The following SLC1A3 variants were observed in gnomAD, a reference collection of about 807,000 sequenced individuals.
The protein encoded by SLC1A3 is excitatory amino acid transporter 1.
SLC1A3 carries 21 observed loss-of-function variants against 48.1 expected under a neutral mutation model. That is an observed-to-expected ratio of 0.44 (90% CI 0.31 to 0.63). The LOEUF is 0.63. SLC1A3 is among the 20% of genes least tolerant of loss of function. The probability of loss-of-function intolerance (pLI) is 0.08; values close to 1 mark genes in which losing one functional copy is unlikely to be tolerated. For missense variants in SLC1A3, 546 were observed against 689.0 expected (o/e 0.79, Z 2.32); for synonymous variants, 239 against 251.4 (o/e 0.95, Z 0.47).
At position 36,629,440 on chromosome 5, in the gene SLC1A3, T is replaced by A; in HGVS notation, c.182-10T>A. The A allele has an allele frequency of 6.2e-7, 1 of 1,610,714 alleles. No homozygotes were observed. Among genetic ancestry groups the A allele is most frequent in the Non-Finnish European group, 8.5e-7 (1 of 1,178,814 alleles). ...ATTTTTCTTTTTCTTTTTTTTTTTT[T>A]TTCCTTCAGGTACAATCCTTGGATT... On this transcript the variant is annotated splice_polypyrimidine_tract_variant and intron_variant, in intron 2 of 9. Coordinates refer to ENST00000265113, the MANE Select transcript of SLC1A3 (RefSeq NM_004172.5).
chr5:36,601,175 G>A (rs1226658364), intron 1 of SLC1A3, among the ~76,000 whole-genome samples: 1 of 152,150 alleles, frequency 6.6e-6, no homozygotes, highest in Non-Finnish European at 1.5e-5. Flanking sequence ...CTTGATTGCT[G>A]TAATTATGAT....
chr5:36,639,735 T>C (rs1740536570), intron 3 of SLC1A3, among the ~76,000 whole-genome samples: 1 of 152,252 alleles, frequency 6.6e-6, no homozygotes, highest in Admixed American at 6.5e-5. Flanking sequence ...TTATTTAAAG[T>C]CATTTTTATT....
intron 9 of SLC1A3, among the ~76,000 whole-genome samples, chr5:36,684,488 T>C (rs951254435): frequency 6.6e-6 from 1 of 152,200 alleles, no homozygotes; most frequent in Non-Finnish European, 1.5e-5. Context: ...TAAGTGGAAT[T>C]GAGTTTCGGA....
chr5:36,616,622 T>A lies in SLC1A3; in HGVS notation c.181+8018T>A, dbSNP rs1579952309. On this transcript the variant is annotated intron_variant, in intron 2 of 9. Transcript: ENST00000265113. ...GACAGCCGGCTGTTAGCGAGAGACTTCTTATTCAGAACCTTGTATGATGAG... is the reference window on the plus strand; with the variant it reads ...GACAGCCGGCTGTTAGCGAGAGACTACTTATTCAGAACCTTGTATGATGAG... Among the ~76,000 whole-genome samples, 3 of 152,328 alleles carry A rather than the reference T, an allele frequency of 2.0e-5. 1 individual carries two copies. The highest frequency in any genetic ancestry group is 2.0e-4 in the Admixed American group (3 of 15,306).
In SLC1A3 at chr5:36,645,319, C is replaced by CTTTTTTTTTTTTTTTTTT. The variant is rs68027582; in HGVS notation, c.319+15744_319+15761dup. On this transcript the variant is annotated intron_variant, in intron 3 of 9. Coordinates refer to ENST00000265113, the MANE Select transcript of SLC1A3 (RefSeq NM_004172.5). ...ATCTTTGAGGACTGACTTCCGCTGCCTTTTTTTTTTTTTTTTTTTTTTTTT... is the reference window on the plus strand; with the variant it reads ...ATCTTTGAGGACTGACTTCCGCTGCCTTTTTTTTTTTTTTTTTTTTTTTTTTTTTTTTTTTTTTTTTTT... 5.0e-4 allele frequency among the ~76,000 whole-genome samples: 42 copies of CTTTTTTTTTTTTTTTTTT among 84,272 alleles called. 19 individuals are homozygous for CTTTTTTTTTTTTTTTTTT. Among genetic ancestry groups the CTTTTTTTTTTTTTTTTTT allele is most frequent in the African/African-American group, 4.3e-4 (10 of 23,446 alleles). The allele number at this position is 84,272 out of a possible 152,430, so 55.3% of individuals were successfully genotyped here.
rs68027582 is a variant in SLC1A3, at chr5:36,645,319, CTTTTTTTTT to C, written c.319+15753_319+15761del. On this transcript the variant is annotated intron_variant, in intron 3 of 9. Transcript: ENST00000265113. ...ATCTTTGAGGACTGACTTCCGCTGC[CTTTTTTTTT>C]TTTTTTTTTTTTTTTTTTTTGATAG... Among the ~76,000 whole-genome samples the C allele has an allele frequency of 3.6e-5, 3 of 84,300 alleles. 1 individual carries two copies. Among genetic ancestry groups the C allele is most frequent in the East Asian group, 7.3e-4 (2 of 2,734 alleles). 55.3% of individuals were successfully genotyped at this position (84,300 alleles called of 152,430 possible).
At chr5:36,597,623 C>T (rs544656543) in intron 1 of SLC1A3, among the ~76,000 whole-genome samples, 1 of 152,180 alleles carries the variant, frequency 6.6e-6, no homozygotes, top group East Asian at 1.9e-4. Context: ...AGCTTTGTTC[C>T]CACTCCTCAA....
chr5:36,639,388 T>C (rs1341232815), intron 3 of SLC1A3, among the ~76,000 whole-genome samples: 2 of 152,262 alleles, frequency 1.3e-5, no homozygotes, highest in Non-Finnish European at 2.9e-5. Context: ...AAATATACCA[T>C]TGTTTTTATG....
At chr5:36,612,073 A>ACACACACACACG (rs1397392908) in intron 2 of SLC1A3, among the ~76,000 whole-genome samples, 1 of 148,946 alleles carries the variant, frequency 6.7e-6, no homozygotes, top group Non-Finnish European at 1.5e-5. Context: ...GCACGCGCAC[A>ACACACACACACG]CACACACACA....
chr5:36,602,299 C>G (rs1323738010), upstream of SLC1A3, among the ~76,000 whole-genome samples: 1 of 152,208 alleles, frequency 6.6e-6, no homozygotes, highest in Non-Finnish European at 1.5e-5. Context: ...TCAATCCCTA[C>G]TGATCTCCAA....
chr5:36,645,432 T>C (rs1480486600), intron 3 of SLC1A3, among the ~76,000 whole-genome samples: 2 of 146,936 alleles, frequency 1.4e-5, no homozygotes, highest in Admixed American at 1.4e-4. Context: ...GTTCAAGCAA[T>C]TCTCTTCCCC....
chr5:36,685,259 G>A (rs1167168952), intron 9 of SLC1A3, among the ~76,000 whole-genome samples: 2 of 151,676 alleles, frequency 1.3e-5, no homozygotes, highest in Non-Finnish European at 2.9e-5. Context: ...CAACCATTTC[G>A]ACCCCAAAAT....
intron 3 of SLC1A3, chr5:36,669,533 T>C (rs1741899837): frequency 6.6e-6 from 1 of 152,178 alleles, no homozygotes; most frequent in Non-Finnish European, 1.5e-5. Flanking sequence ...AAGTTCCCAC[T>C]CCATTCCACT....
intron 2 of SLC1A3, chr5:36,613,029 G>A (rs1224108469): frequency 2.9e-6 from 1 of 347,400 alleles, no homozygotes; most frequent in Non-Finnish European, 5.7e-6. Context: ...TTAGGTGGCA[G>A]AGTGGCTGAT....
chr5:36,651,129 C>CT (rs1271992305), intron 3 of SLC1A3, among the ~76,000 whole-genome samples: 1 of 95,912 alleles, frequency 1.0e-5, no homozygotes, highest in Non-Finnish European at 1.9e-5. Context: ...AGTAGGGAAA[C>CT]TAAGTTTTTT....
chr5:36,649,135 G>A (rs1481459452), intron 3 of SLC1A3, among the ~76,000 whole-genome samples: 1 of 151,944 alleles, frequency 6.6e-6, no homozygotes, highest in Non-Finnish European at 1.5e-5. Context: ...CCTGAGATTG[G>A]GAGTTCGAGA....
chr5:36,640,784 A>G (rs1472104215), intron 3 of SLC1A3, among the ~76,000 whole-genome samples: 1 of 152,112 alleles, frequency 6.6e-6, no homozygotes. Context: ...CCCTATATAT[A>G]AAACCACAAT....
In SLC1A3 at chr5:36,644,014, A is replaced by AAAATAAATAAAT. The variant is rs57649957; in HGVS notation, c.319+14460_319+14471dup. ...GCAACAGGGCAAGACTCCGTCTCAA[A>AAAATAAATAAAT]AAATAAATAAATAAATAAATAAATA... On this transcript the variant is annotated intron_variant, in intron 3 of 9. Coordinates refer to ENST00000265113, the MANE Select transcript of SLC1A3 (RefSeq NM_004172.5). Among the ~76,000 whole-genome samples the AAAATAAATAAAT allele has an allele frequency of 2.9e-3, 295 of 101,784 alleles. 3 individuals are homozygous for AAAATAAATAAAT. The highest frequency in any genetic ancestry group is 8.8e-3 in the African/African-American group (283 of 32,176). The allele number at this position is 101,784 out of a possible 152,430, so 66.8% of individuals were successfully genotyped here.
chr5:36,621,376 C>T (rs1216748044), intron 2 of SLC1A3, among the ~76,000 whole-genome samples: 4 of 152,072 alleles, frequency 2.6e-5, no homozygotes, highest in Admixed American at 2.6e-4. Context: ...GAGATGGGTT[C>T]TGAGGCAAGG....
Sources: gnomAD v4.1 joint callset for allele counts (sites outside exome capture counted in the v4.1 genomes callset) on GRCh38, gnomAD v4.1.1 for gene constraint, MANE v1.5 for transcripts, NCBI Gene and HGNC (gene_info 2026-07-23, HGNC 2026-07-21) for gene names.